The following PHACTR2 variants were observed in gnomAD, a reference collection of about 807,000 sequenced individuals.
PHACTR2 encodes phosphatase and actin regulator 2.
A neutral mutation model predicts 76.0 loss-of-function variants in PHACTR2; 30 were observed. That is an observed-to-expected ratio of 0.39 (90% confidence interval 0.30 to 0.54). PHACTR2 has a LOEUF of 0.54. PHACTR2 is among the 20% of genes least tolerant of loss of function. PHACTR2 has a pLI of 0.61. For synonymous variants in PHACTR2, 292 were observed against 292.5 expected (o/e 1.00, Z 0.02); for missense variants, 696 against 781.1 (o/e 0.89, Z 1.30).
Position 143,599,330 on chromosome 6 carries a change from G to A in PHACTR2, c.217+62123G>A, listed in dbSNP as rs139752444. On this transcript the variant is annotated intron_variant, in intron 1 of 11. Coordinates refer to the PHACTR2 transcript ENST00000367584. This position sits in a 1 kb window ranked among gnomAD's most constrained non-coding sequence, Gnocchi z 4.6. The stretch of plus-strand genomic sequence containing the variant: ...GGAGATCAGGCAGAAATTGATTCAT[G>A]AGAGAAAAAAGTAACATGCTTTTTA... 2.6e-5 allele frequency among the ~76,000 whole-genome samples: 4 copies of A among 152,282 alleles called. No individual in the cohort carries two copies. The highest frequency in any genetic ancestry group is 9.6e-5 in the African/African-American group (4 of 41,580).
At chr6:143,681,922 G>C (rs1168811107) in intron 1 of PHACTR2, among the ~76,000 whole-genome samples, 2 of 152,290 alleles carry the variant, frequency 1.3e-5, no homozygotes, top group African/African-American at 2.4e-5. Context: ...TCTCAATTCT[G>C]CTCCATTGTC....
intron 1 of PHACTR2, among the ~76,000 whole-genome samples, chr6:143,645,416 C>G (rs76211922): frequency 0.01 from 1,557 of 152,122 alleles, 13 homozygotes; most frequent in Non-Finnish European, 0.016. Context: ...TGAAGTAACT[C>G]AGGAATGAAA....
intron 1 of PHACTR2, among the ~76,000 whole-genome samples, chr6:143,636,325 A>G (rs946835142): frequency 6.6e-6 from 1 of 152,162 alleles, no homozygotes; most frequent in Non-Finnish European, 1.5e-5. Context: ...GTATTTTTAC[A>G]TAAGGGGTGA....
intron 2 of PHACTR2, among the ~76,000 whole-genome samples, chr6:143,745,754 C>T (rs1026639933): frequency 6.6e-6 from 1 of 152,210 alleles, no homozygotes; most frequent in African/African-American, 2.4e-5. Flanking sequence ...CAGAGGTATC[C>T]GCATTGTGTG....
At position 143,789,831 on chromosome 6, in the gene PHACTR2, C is replaced by T. The variant is rs548064404; in HGVS notation, c.1845+921C>T. 6.6e-6 allele frequency among the ~76,000 whole-genome samples: 1 copy of T among 152,218 alleles called. No individual in the cohort carries two copies. The highest frequency in any genetic ancestry group is 1.5e-5 in the Non-Finnish European group (1 of 68,014). On this transcript the variant is annotated intron_variant, in intron 11 of 12. Coordinates refer to ENST00000440869, the MANE Select transcript of PHACTR2 (RefSeq NM_001100164.2). This position sits in a 1 kb window ranked among gnomAD's most constrained non-coding sequence, Gnocchi z 5.1. ...TACTGGAGATACAGATTCAGAAATC[C>T]TTAGCTCATAAGTAGAAATGAAAAG...
chr6:143,634,784 C>CTGCTCACG (rs1776422359), intron 1 of PHACTR2, among the ~76,000 whole-genome samples: 1 of 152,074 alleles, frequency 6.6e-6, no homozygotes, highest in Non-Finnish European at 1.5e-5. Flanking sequence ...ATTTGCTCAC[C>CTGCTCACG]GTCTATGGCT....
In PHACTR2 at chr6:143,633,222, A is replaced by G. The variant is rs1776395658; in HGVS notation, c.13+24900A>G. 1.3e-5 allele frequency among the ~76,000 whole-genome samples: 2 copies of G among 152,178 alleles called. No homozygotes were observed. The highest frequency in any genetic ancestry group is 4.8e-5 in the African/African-American group (2 of 41,436). On this transcript the variant is annotated intron_variant, in intron 1 of 11. Transcript: ENST00000305766. The surrounding 1 kb of genome is among the most constrained non-coding windows in gnomAD (Gnocchi z 4.1). ...AGTGGCTGTACCATTTTGCATTCCC[A>G]TCAGCAAAGAATGAGAGTTCCTGTT... is the stretch of plus-strand genomic sequence containing the variant.
At chr6:143,594,290 T>C (rs1775724261) in intron 1 of PHACTR2, among the ~76,000 whole-genome samples, 3 of 152,182 alleles carry the variant, frequency 2.0e-5, no homozygotes, top group Admixed American at 1.3e-4. Flanking sequence ...TAAGGGACAG[T>C]CGACCTGTAC....
Position 143,828,082 on chromosome 6 carries a change from G to T in PHACTR2, c.*4393G>T, listed in dbSNP as rs1776583808. ...GGGAAATCGCTTAAACCCGGGAGGT[G>T]GAGGTTGCAGTGGGCCCAGATCGTG... On this transcript the variant is annotated 3_prime_UTR_variant, in exon 13 of 13. Coordinates refer to ENST00000440869, the MANE Select transcript of PHACTR2 (RefSeq NM_001100164.2). This position sits in a 1 kb window ranked among gnomAD's most constrained non-coding sequence, Gnocchi z 4.7. 1 of 152,098 alleles carries T rather than the reference G, an allele frequency of 6.6e-6. No individual in the cohort carries two copies. The highest frequency in any genetic ancestry group is 2.1e-4 in the South Asian group (1 of 4,824). The allele number at this position is 152,098 out of a possible 1,614,324, so 9.4% of individuals were successfully genotyped here.
At position 143,618,537 on chromosome 6, in the gene PHACTR2, A is replaced by G. The variant is rs1776096565; in HGVS notation, c.13+10215A>G. ...AAGGTGTCAGTGTCAGAGGGTTTTA[A>G]ACTCCAAATGTTTATACAAGTGAAG... On this transcript the variant is annotated intron_variant, in intron 1 of 11. Transcript: ENST00000305766. This position sits in a 1 kb window ranked among gnomAD's most constrained non-coding sequence, Gnocchi z 5.2. Among the ~76,000 whole-genome samples, 1 of 152,044 alleles carries G rather than the reference A, an allele frequency of 6.6e-6. No individual in the cohort carries two copies.
chr6:143,618,393 A>G lies in PHACTR2; in HGVS notation c.13+10071A>G, dbSNP rs2128439351. 6.6e-6 allele frequency among the ~76,000 whole-genome samples: 1 copy of G among 152,310 alleles called. No homozygotes were observed. Among genetic ancestry groups the G allele is most frequent in the South Asian group, 2.1e-4 (1 of 4,818 alleles). On this transcript the variant is annotated intron_variant, in intron 1 of 11. Transcript: ENST00000305766. The surrounding 1 kb of genome is among the most constrained non-coding windows in gnomAD (Gnocchi z 5.2). ...GCTTTTCTGGCGTTTTGGTTAATAAATGGTGTTTTTTACAACATGGTTAAT... is the reference window on the plus strand; with the variant it reads ...GCTTTTCTGGCGTTTTGGTTAATAAGTGGTGTTTTTTACAACATGGTTAAT...
chr6:143,593,919 C>T (rs1034573731), intron 1 of PHACTR2, among the ~76,000 whole-genome samples: 2 of 152,184 alleles, frequency 1.3e-5, no homozygotes, highest in African/African-American at 4.8e-5. Flanking sequence ...CATACTTTTT[C>T]TCTGCTGTCC....
In PHACTR2 at chr6:143,542,765, C is replaced by T. The variant is rs1196761002; in HGVS notation, c.217+5558C>T. Among the ~76,000 whole-genome samples the T allele has an allele frequency of 2.0e-5, 3 of 152,164 alleles. No individual in the cohort carries two copies. In the East Asian group the frequency reaches 5.8e-4, roughly 29 times the overall value. ...CATAGTTCAAATTCTCTAGAAAAGA[C>T]CTATTGTGTGAAGCCACCTTTATAC... On this transcript the variant is annotated intron_variant, in intron 1 of 11. Coordinates refer to the PHACTR2 transcript ENST00000367584.
intron 3 of PHACTR2, among the ~76,000 whole-genome samples, chr6:143,752,539 C>T (rs1163558885): frequency 6.6e-6 from 1 of 151,968 alleles, no homozygotes; most frequent in Non-Finnish European, 1.5e-5. Flanking sequence ...TAGTTTTACA[C>T]GGGACTTAGT....
At chr6:143,725,788 T>C (rs2128464392) in intron 2 of PHACTR2, among the ~76,000 whole-genome samples, 1 of 149,118 alleles carries the variant, frequency 6.7e-6, no homozygotes, top group Non-Finnish European at 1.5e-5. Flanking sequence ...ACTGAGCCAC[T>C]GCACACCAGC....
At position 143,755,707 on chromosome 6, in the gene PHACTR2, C is replaced by T. The variant is rs1017400346; in HGVS notation, c.454+1795C>T. The stretch of plus-strand genomic sequence containing the variant: ...CTGACATACCACTAAAGAGGCAGTG[C>T]GGCTGTCTCCTGTGTGGAAAGTGCA... On this transcript the variant is annotated intron_variant, in intron 4 of 12. Transcript: ENST00000440869. The surrounding 1 kb of genome is among the most constrained non-coding windows in gnomAD (Gnocchi z 5.2). Among the ~76,000 whole-genome samples the T allele has an allele frequency of 2.0e-5, 3 of 151,952 alleles. No homozygotes were observed. Among genetic ancestry groups the T allele is most frequent in the Non-Finnish European group, 4.4e-5 (3 of 68,020 alleles).
rs1287791828 is a variant in PHACTR2 at position 143,558,686 on chromosome 6, A to G, written c.217+21479A>G. 6.6e-6 allele frequency among the ~76,000 whole-genome samples: 1 copy of G among 152,194 alleles called. No homozygotes were observed. Among genetic ancestry groups the G allele is most frequent in the Non-Finnish European group, 1.5e-5 (1 of 68,038 alleles). ...AATGACCTCTGTAGTGCTAAGATAC[A>G]TTCATGCGTTTTTCCAATGCGAGGA... On this transcript the variant is annotated intron_variant, in intron 1 of 11. Transcript: ENST00000367584. This position sits in a 1 kb window ranked among gnomAD's most constrained non-coding sequence, Gnocchi z 4.7.
rs919013473 is a variant in PHACTR2 at position 143,598,387 on chromosome 6, C to T, written c.217+61180C>T. 2.0e-5 allele frequency among the ~76,000 whole-genome samples: 3 copies of T among 152,144 alleles called. No individual in the cohort carries two copies. Among genetic ancestry groups the T allele is most frequent in the Non-Finnish European group, 4.4e-5 (3 of 68,032 alleles). On this transcript the variant is annotated intron_variant, in intron 1 of 11. Coordinates refer to the PHACTR2 transcript ENST00000367584. The surrounding 1 kb of genome is among the most constrained non-coding windows in gnomAD (Gnocchi z 4.1). ...GGTGGAAGAGACCAAGCCAGAGCCT[C>T]CAGAGGAATGCAGCCCTTCAGAACA... is the stretch of plus-strand genomic sequence containing the variant.
intron 4 of PHACTR2, among the ~76,000 whole-genome samples, chr6:143,758,059 G>A (rs557970024): frequency 5.5e-4 from 83 of 152,240 alleles, no homozygotes; most frequent in African/African-American, 1.9e-3. Flanking sequence ...CAAGAGGAGC[G>A]GACGTATTCT....
Sources: allele counts gnomAD v4.1 joint callset (sites outside exome capture counted in the v4.1 genomes callset), GRCh38; gene constraint gnomAD v4.1.1; non-coding constraint Gnocchi (gnomAD v3.1); transcripts MANE v1.5; gene names NCBI Gene and HGNC (gene_info 2026-07-23, HGNC 2026-07-21).